MTUS1: variants seen among roughly 807,000 people sequenced by gnomAD.
The protein encoded by MTUS1 is microtubule associated scaffold protein 1.
In MTUS1, 109 loss-of-function variants were observed where a neutral mutation model predicts 120.8. The ratio of observed to expected loss-of-function variants is 0.90; its 90% CI spans 0.77 to 1.06. The LOEUF (loss-of-function observed/expected upper bound fraction) is 1.06. Among genes scored for constraint, MTUS1 ranks in the 50% least tolerant of loss-of-function variants. The probability of loss-of-function intolerance (pLI) is 0.00; values close to 1 mark genes in which losing one functional copy is unlikely to be tolerated. For missense variants in MTUS1, 2,210 were observed against 1,486.3 expected, an observed-to-expected ratio of 1.49 and a Z score of -8.01; for synonymous variants, 737 against 550.5, an observed-to-expected ratio of 1.34 and a Z score of -4.74.
At chr8:17,702,209 CAT>C (rs1338083823) in intron 6 of MTUS1, among the ~76,000 whole-genome samples, 25 of 152,214 alleles carry the variant, frequency 1.6e-4, no homozygotes, top group African/African-American at 5.8e-4. Flanking sequence ...AGGAGCTGTA[CAT>C]ATGAGTGCTG....
rs1373007400 is a variant in MTUS1 at position 17,644,843 on chromosome 8, G to T, written c.*1083C>A. 1 of 151,978 alleles carries T rather than the reference G, an allele frequency of 6.6e-6. No individual in the cohort carries two copies. Among genetic ancestry groups the T allele is most frequent in the Non-Finnish European group, 1.5e-5 (1 of 68,038 alleles). 9.4% of individuals were successfully genotyped at this position (151,978 alleles called of 1,614,324 possible). The stretch of plus-strand genomic sequence containing the variant: ...AGCACCTGGAAGATGAGCTGGCTCT[G>T]GGGCTCTGGAAAATCATATTCCTTT... On this transcript the variant is annotated 3_prime_UTR_variant, in exon 15 of 15. Transcript: ENST00000693296.
intron 7 of MTUS1, chr8:17,676,195 G>T: frequency 1.4e-6 from 1 of 699,378 alleles, no homozygotes; most frequent in Non-Finnish European, 2.6e-6. Flanking sequence ...GTCATTCAAA[G>T]CATTTTCCCT....
At chr8:17,720,651 A>G (rs760325252) in intron 4 of MTUS1, among the ~76,000 whole-genome samples, 3 of 152,052 alleles carry the variant, frequency 2.0e-5, no homozygotes, top group Non-Finnish European at 4.4e-5. Flanking sequence ...AAAGTTATAC[A>G]CTCTCCCAAG....
At chr8:17,686,093 C>T (rs1195977468) in intron 6 of MTUS1, among the ~76,000 whole-genome samples, 1 of 152,188 alleles carries the variant, frequency 6.6e-6, no homozygotes, top group Non-Finnish European at 1.5e-5. Context: ...TTTCGCTCAT[C>T]ACAGTGTGCT....
At chr8:17,797,087 A>C (rs2052302569) in intron 1 of MTUS1, among the ~76,000 whole-genome samples, 1 of 151,966 alleles carries the variant, frequency 6.6e-6, no homozygotes, top group Admixed American at 6.6e-5. Flanking sequence ...CTGCACTCCA[A>C]CCTGGGCCAC....
chr8:17,796,930 G>A (rs1017389974), intron 1 of MTUS1, among the ~76,000 whole-genome samples: 2 of 152,122 alleles, frequency 1.3e-5, no homozygotes, highest in Non-Finnish European at 2.9e-5. Flanking sequence ...TGGCCAACAT[G>A]GTGAAACCCT....
At chr8:17,731,384 AG>A (rs1586018982) in intron 3 of MTUS1, among the ~76,000 whole-genome samples, 1 of 152,298 alleles carries the variant, frequency 6.6e-6, no homozygotes, top group East Asian at 1.9e-4. Context: ...CTTACCTCAT[AG>A]GTTCTTGTGA....
At chr8:17,660,129 T>C (rs1437881532) in intron 8 of MTUS1, among the ~76,000 whole-genome samples, 3 of 152,152 alleles carry the variant, frequency 2.0e-5, no homozygotes, top group African/African-American at 7.2e-5. Context: ...TCCCAGCATT[T>C]TGGGAGGCCA....
chr8:17,646,513 A>T (rs1585365231), intron 14 of MTUS1, among the ~76,000 whole-genome samples: 4 of 152,144 alleles, frequency 2.6e-5, no homozygotes, highest in Admixed American at 2.6e-4. Context: ...GCTCGAGCCT[A>T]GGAGGTGGAG....
intron 1 of MTUS1, among the ~76,000 whole-genome samples, chr8:17,759,767 CG>C (rs1221547193): frequency 6.6e-6 from 1 of 151,164 alleles, no homozygotes; most frequent in Non-Finnish European, 1.5e-5. Flanking sequence ...ACATTTTTAA[CG>C]GTTGTGAAAC....
At chr8:17,796,516 A>G (rs1166651047) in intron 1 of MTUS1, among the ~76,000 whole-genome samples, 6 of 152,146 alleles carry the variant, frequency 3.9e-5, no homozygotes, top group African/African-American at 7.2e-5. Flanking sequence ...TGATTGTGTA[A>G]CATTTATATA....
At chr8:17,765,124 T>C (rs2049373759) in intron 1 of MTUS1, among the ~76,000 whole-genome samples, 1 of 152,116 alleles carries the variant, frequency 6.6e-6, no homozygotes, top group Admixed American at 6.5e-5. Context: ...GCATGCACAG[T>C]TCACAATAGG....
At chr8:17,799,898 C>G (rs971116411) in intron 1 of MTUS1, among the ~76,000 whole-genome samples, 4 of 151,868 alleles carry the variant, frequency 2.6e-5, no homozygotes, top group Non-Finnish European at 5.9e-5. Context: ...TAGTTCTAAT[C>G]TTTTCTTTGT....
At chr8:17,655,765 T>C (rs889940039) in intron 9 of MTUS1, 98 bp downstream of exon 9, 3 of 1,028,450 alleles carry the variant, frequency 2.9e-6, no homozygotes, top group Non-Finnish European at 4.5e-6. Flanking sequence ...TTATACCTAT[T>C]AGACTAAAAA....
At chr8:17,662,320 C>G in intron 8 of MTUS1, among the ~76,000 whole-genome samples, 1 of 150,358 alleles carries the variant, frequency 6.7e-6, no homozygotes. Flanking sequence ...ATTAGACAAA[C>G]ACAAAGTCAA....
intron 3 of MTUS1, among the ~76,000 whole-genome samples, chr8:17,740,457 C>G (rs1441296042): frequency 6.6e-6 from 1 of 152,200 alleles, no homozygotes; most frequent in Non-Finnish European, 1.5e-5. Context: ...TTTGCTAATA[C>G]ACACAGACAC....
At chr8:17,734,910 AC>A (rs1304443119) in intron 3 of MTUS1, among the ~76,000 whole-genome samples, 1 of 146,758 alleles carries the variant, frequency 6.8e-6, no homozygotes, top group African/African-American at 2.5e-5. Context: ...CTTCACACCA[AC>A]TTTTTTTTTT....
Position 17,766,121 on chromosome 8 carries a change from T to A in MTUS1, c.-154-10160A>T, listed in dbSNP as rs546706564. Among the ~76,000 whole-genome samples the A allele has an allele frequency of 4.6e-5, 7 of 152,328 alleles. No individual in the cohort carries two copies. The South Asian group carries it at 1.4e-3, about 32-fold the overall frequency. The stretch of plus-strand genomic sequence containing the variant: ...AAGACTGGTTGACACTGGGTGCCGA[T>A]TTAGTGAATTTTTGTCACCAAGTTC... On this transcript the variant is annotated intron_variant, in intron 1 of 14. Coordinates refer to ENST00000693296, the MANE Select transcript of MTUS1 (RefSeq NM_001363059.2).
chr8:17,700,256 G>A (rs1024330773), intron 6 of MTUS1, among the ~76,000 whole-genome samples: 1 of 151,874 alleles, frequency 6.6e-6, no homozygotes, highest in African/African-American at 2.4e-5. Flanking sequence ...ATCACCTGAG[G>A]TCAGAAGTTC....
Sources: allele counts gnomAD v4.1 joint callset (sites outside exome capture counted in the v4.1 genomes callset), GRCh38; gene constraint gnomAD v4.1.1; transcripts MANE v1.5; gene names NCBI Gene and HGNC (gene_info 2026-07-23, HGNC 2026-07-21).